MRAP2: variants seen among roughly 807,000 people sequenced by gnomAD.
MRAP2 encodes melanocortin-2 receptor accessory protein 2.
A neutral mutation model predicts 17.4 loss-of-function variants in MRAP2; 20 were observed. The observed-to-expected ratio is 1.15, with a 90% CI of 0.81 to 1.67. MRAP2 has a LOEUF of 1.67. Among genes scored for constraint, MRAP2 ranks in the 40% most tolerant of loss-of-function variants. The pLI is 0.00. For missense variants in MRAP2, 238 were observed against 240.0 expected, an observed-to-expected ratio of 0.99 and a Z score of 0.05; for synonymous variants, 96 against 88.4, an observed-to-expected ratio of 1.09 and a Z score of -0.48.
At chr6:84,135,746 C>T in the MRAP2 span, among the ~76,000 whole-genome samples, 1 of 152,034 alleles carries the variant, frequency 6.6e-6, no homozygotes, top group Admixed American at 6.6e-5. Flanking sequence ...TCCTGTAATC[C>T]CAGCTACTCA....
intron 1 of MRAP2, among the ~76,000 whole-genome samples, chr6:84,050,302 ACTGTTTTTTT>A (rs2129162397): frequency 6.6e-6 from 1 of 152,296 alleles, no homozygotes; most frequent in Non-Finnish European, 1.5e-5. Context: ...ACACCATGTT[ACTGTTTTTTT>A]AAAGTACTGC....
chr6:84,055,024 A>C (rs1381860942), intron 1 of MRAP2, among the ~76,000 whole-genome samples: 1 of 152,158 alleles, frequency 6.6e-6, no homozygotes, highest in Admixed American at 6.5e-5. Flanking sequence ...TCTTTCCTTC[A>C]TCAGTTACTG....
chr6:84,093,574 C>T (rs2099502157), downstream of MRAP2, among the ~76,000 whole-genome samples: 2 of 149,430 alleles, frequency 1.3e-5, no homozygotes, highest in Admixed American at 1.3e-4. Context: ...GTCAGCACTG[C>T]ACAAGGAAAA....
At chr6:84,080,751 A>G (rs2099498766) in intron 3 of MRAP2, among the ~76,000 whole-genome samples, 1 of 152,234 alleles carries the variant, frequency 6.6e-6, no homozygotes, top group Admixed American at 6.5e-5. Flanking sequence ...AAGTTTACAA[A>G]CAAAAGTAGA....
intron 3 of MRAP2, among the ~76,000 whole-genome samples, chr6:84,081,968 G>A (rs2129174305): frequency 6.6e-6 from 1 of 152,330 alleles, no homozygotes; most frequent in South Asian, 2.1e-4. Context: ...GCAGAACTAT[G>A]TGTCAATTAA....
Position 84,033,860 on chromosome 6 carries a change from C to A in MRAP2, c.-31C>A. 1.0e-5 allele frequency: 10 copies of A among 986,850 alleles called. No individual in the cohort carries two copies. Among genetic ancestry groups the A allele is most frequent in the Non-Finnish European group, 1.2e-5 (10 of 830,676 alleles). 61.1% of individuals were successfully genotyped at this position (986,850 alleles called of 1,614,324 possible). ...CCAGGAGCCGGAACCAGGGCCGAGCCCGCGGGCCGGGGCTAGCCAGCCGGT... is the reference window on the plus strand; with the variant it reads ...CCAGGAGCCGGAACCAGGGCCGAGCACGCGGGCCGGGGCTAGCCAGCCGGT... On this transcript the variant is annotated 5_prime_UTR_variant, in exon 1 of 4. Transcript: ENST00000257776.
rs934028359 is a variant in MRAP2 at position 84,063,503 on chromosome 6, C to T, written c.227+511C>T. The T allele has an allele frequency of 3.7e-6, 3 of 818,056 alleles. No individual in the cohort carries two copies. The African/African-American group carries it at 5.6e-5, about 15-fold the overall frequency. The allele number at this position is 818,056 out of a possible 1,614,324, so 50.7% of individuals were successfully genotyped here. ...TAAAACTAGGATACAAAGGCAAACA[C>T]TGTGGTTTACATAATTCTCATAACA... On this transcript the variant is annotated intron_variant, in intron 3 of 3. Transcript: ENST00000257776.
chr6:84,044,910 A>C (rs1212078903), intron 1 of MRAP2, among the ~76,000 whole-genome samples: 1 of 152,220 alleles, frequency 6.6e-6, no homozygotes, highest in Admixed American at 6.5e-5. Context: ...ATATTTAAAC[A>C]AGAAAAGGAT....
At chr6:84,096,321 A>G in the MRAP2 span, among the ~76,000 whole-genome samples, 2 of 152,360 alleles carry the variant, frequency 1.3e-5, no homozygotes, top group East Asian at 1.9e-4. Flanking sequence ...AACCTTGGGT[A>G]TACATTTATG....
At chr6:84,080,023 T>A (rs2099498571) in intron 3 of MRAP2, among the ~76,000 whole-genome samples, 1 of 150,864 alleles carries the variant, frequency 6.6e-6, no homozygotes, top group African/African-American at 2.4e-5. Context: ...TTGCCAGGGT[T>A]TTTTTTTTGT....
chr6:84,073,590 T>C (rs2099496801), intron 3 of MRAP2, among the ~76,000 whole-genome samples: 1 of 152,202 alleles, frequency 6.6e-6, no homozygotes, highest in South Asian at 2.1e-4. Context: ...TGCAATCTAG[T>C]CCTGCCTCCC....
chr6:84,138,439 G>A, the MRAP2 span, among the ~76,000 whole-genome samples: 6,658 of 152,176 alleles, frequency 0.044, 463 homozygotes, highest in African/African-American at 0.15. Context: ...CACCCTGAGA[G>A]GAAATGCCTC....
At position 84,033,919 on chromosome 6, in the gene MRAP2, C is replaced by T. The variant is rs1010296563; in HGVS notation, c.-8+36C>T. 43 of 985,988 alleles carry T rather than the reference C, an allele frequency of 4.4e-5. No individual in the cohort carries two copies. In the African/African-American group the frequency reaches 6.8e-4, roughly 16 times the overall value. 61.1% of individuals were successfully genotyped at this position (985,988 alleles called of 1,614,324 possible). A position where few individuals can be genotyped will look rare whatever the true frequency, so the allele number is the denominator to read the frequency against. On this transcript the variant is annotated intron_variant, in intron 1 of 3. Coordinates refer to ENST00000257776, the MANE Select transcript of MRAP2 (RefSeq NM_138409.4). The stretch of plus-strand genomic sequence containing the variant: ...GCGGGACAGGGCGCCCAGGGCGGAG[C>T]AAAGCCCGGGCGCTGGGTGCGGGGC...
Sources: allele counts gnomAD v4.1 joint callset (sites outside exome capture counted in the v4.1 genomes callset), GRCh38; gene constraint gnomAD v4.1.1; transcripts MANE v1.5; gene names NCBI Gene and HGNC (gene_info 2026-07-23, HGNC 2026-07-21).